GPRC5B: variants seen among roughly 807,000 people sequenced by gnomAD.
GPRC5B encodes the protein G protein-coupled receptor class C group 5 member B.
A neutral mutation model predicts 30.1 loss-of-function variants in GPRC5B; 16 were observed. The ratio of observed to expected loss-of-function variants is 0.53; its 90% confidence interval spans 0.36 to 0.81. The LOEUF is 0.81. Among genes scored for constraint, GPRC5B ranks in the 30% least tolerant of loss-of-function variants. The pLI, the probability that GPRC5B is intolerant of heterozygous loss-of-function variation, is 0.01. For missense variants in GPRC5B, 428 were observed against 544.7 expected, an observed-to-expected ratio of 0.79 and a Z score of 2.13; for synonymous variants, 241 against 239.5, an observed-to-expected ratio of 1.01 and a Z score of -0.06.
Position 19,861,819 on chromosome 16 carries a change from T to A in GPRC5B, c.1167+18A>T. 1 of 1,609,682 alleles carries A rather than the reference T, an allele frequency of 6.2e-7. No homozygotes were observed. The highest frequency in any genetic ancestry group is 8.5e-7 in the Non-Finnish European group (1 of 1,177,126). ...GACTCCTAGGCTTCCTACCCCCACA[T>A]CACATCTTGATACTTACGGTCCCAC... is the stretch of plus-strand genomic sequence containing the variant. On this transcript the variant is annotated intron_variant, in intron 3 of 3. Transcript: ENST00000300571.
At chr16:19,885,092 C>T (rs180838340), upstream of GPRC5B, 6 of 834,382 alleles carry the variant, frequency 7.2e-6, no homozygotes, top group East Asian at 4.4e-4. This position sits in a 1 kb window ranked among gnomAD's most constrained non-coding sequence, Gnocchi z 5.3. Flanking sequence ...GCCCCCAATT[C>T]GGGGACATTC....
At chr16:19,885,167 C>A, upstream of GPRC5B, 3 of 1,264,456 alleles carry the variant, frequency 2.4e-6, no homozygotes, top group Non-Finnish European at 3.1e-6. This position sits in a 1 kb window ranked among gnomAD's most constrained non-coding sequence, Gnocchi z 5.3. Context: ...AGGGTAGATC[C>A]ATTTGCGGGA....
chr16:19,879,788 G>A (rs2056789820), intron 1 of GPRC5B, among the ~76,000 whole-genome samples: 1 of 152,084 alleles, frequency 6.6e-6, no homozygotes, highest in Non-Finnish European at 1.5e-5. Context: ...AAATAATTAG[G>A]GTTTAGGACG....
chr16:19,873,008 C>T (rs946827497), intron 1 of GPRC5B, among the ~76,000 whole-genome samples, 162 bp from the exon 2 acceptor site: 4 of 152,136 alleles, frequency 2.6e-5, no homozygotes, highest in African/African-American at 9.7e-5. Context: ...TCCTCAGGCA[C>T]GGAGGTTTTG....
Position 19,858,511 on chromosome 16 carries a change from A to G in GPRC5B, c.*1989T>C. The G allele has an allele frequency of 1.4e-6, 1 of 694,176 alleles. No homozygotes were observed. Among genetic ancestry groups the G allele is most frequent in the Non-Finnish European group, 2.6e-6 (1 of 381,602 alleles). The allele number at this position is 694,176 out of a possible 1,614,324, so 43.0% of individuals were successfully genotyped here. A position where few individuals can be genotyped will look rare whatever the true frequency, so the allele number is the denominator to read the frequency against. On this transcript the variant is annotated 3_prime_UTR_variant, in exon 4 of 4. Transcript: ENST00000300571. ...GTGTGAATGGTATCAGAAAGCTCCA[A>G]AGGACTCCAGAGAGCGGGGGTGAGT...
At chr16:19,878,824 G>A (rs868693786) in intron 1 of GPRC5B, among the ~76,000 whole-genome samples, 1 of 152,182 alleles carries the variant, frequency 6.6e-6, no homozygotes, top group East Asian at 1.9e-4. Context: ...AGGAAACTGA[G>A]GGTCTGAGAG....
rs563226306 is a variant in GPRC5B at position 19,880,373 on chromosome 16, G to A, written c.-2+4354C>T. Reference sequence around the variant, plus strand: ...GGAAGGCTGAGGTGGGAGACTGCTTGAGGCCAGGAGTTCAAGACCAGCCTG... The same window carrying A: ...GGAAGGCTGAGGTGGGAGACTGCTTAAGGCCAGGAGTTCAAGACCAGCCTG... On this transcript the variant is annotated intron_variant, in intron 1 of 3. Coordinates refer to ENST00000300571, the MANE Select transcript of GPRC5B (RefSeq NM_016235.3). Among the ~76,000 whole-genome samples the A allele has an allele frequency of 1.1e-4, 17 of 148,832 alleles. No individual in the cohort carries two copies. The South Asian group carries it at 3.6e-3, about 31-fold the overall frequency.
intron 1 of GPRC5B, among the ~76,000 whole-genome samples, chr16:19,879,075 C>T (rs920159810): frequency 2.6e-5 from 4 of 152,132 alleles, no homozygotes; most frequent in South Asian, 4.1e-4. Context: ...GCAATGCCCA[C>T]GATCCACTGT....
In GPRC5B at chr16:19,872,175, C is replaced by T; in HGVS notation, c.671G>A (p.Gly224Asp). 1 of 1,614,124 alleles carries T rather than the reference C, an allele frequency of 6.2e-7. No homozygotes were observed. The highest frequency in any genetic ancestry group is 8.5e-7 in the Non-Finnish European group (1 of 1,179,976). The change falls in exon 2 of 4, where the codon GGC (glycine) becomes GAC (aspartate). Residue 224 changes from glycine to aspartate, a missense_variant. Gly to Asp is a moderately conservative substitution (Grantham distance 94). Coordinates refer to ENST00000300571, the MANE Select transcript of GPRC5B (RefSeq NM_016235.3). The surrounding 1 kb of genome is among the most constrained non-coding windows in gnomAD (Gnocchi z 5.0). ...TLGLALFTLC[G>D]KFKRWKLNGA... ...GTTCAGCTTCCACCTCTTGAACTTGCCGCACAGAGTGAAGAGGGCCAGCCC... is the reference window on the plus strand; with the variant it reads ...GTTCAGCTTCCACCTCTTGAACTTGTCGCACAGAGTGAAGAGGGCCAGCCC...
At chr16:19,882,699 C>T (rs2056816597) in intron 1 of GPRC5B, among the ~76,000 whole-genome samples, 1 of 152,142 alleles carries the variant, frequency 6.6e-6, no homozygotes, top group Non-Finnish European at 1.5e-5. Context: ...ATCCCATGGC[C>T]TCCCACTCAA....
chr16:19,873,153 C>G (rs775721706), intron 1 of GPRC5B, among the ~76,000 whole-genome samples: 1 of 152,114 alleles, frequency 6.6e-6, no homozygotes. Context: ...TACTCTGTGC[C>G]ACATCTGACC....
intron 2 of GPRC5B, among the ~76,000 whole-genome samples, chr16:19,863,491 C>CTT (rs10541805): frequency 4.6e-4 from 38 of 82,200 alleles, no homozygotes; most frequent in Non-Finnish European, 6.7e-4. Flanking sequence ...AATCTGTGTT[C>CTT]TTTTTTTTTT....
chr16:19,872,033 G>A lies in GPRC5B; in HGVS notation c.813C>T (p.Thr271=), dbSNP rs2056724396. The part of the protein sequence containing the change: ...LQQGDAWNDP[T]LAITLAASGW... ...CGCTGGCCGCCAGCGTGATGGCCAA[G>A]GTGGGGTCGTTCCAGGCATCCCCCT... Residue 271 remains threonine (T), a synonymous_variant, in exon 2 of 4, where the codon ACC becomes ACT. Coordinates refer to ENST00000300571, the MANE Select transcript of GPRC5B (RefSeq NM_016235.3). The surrounding 1 kb of genome is among the most constrained non-coding windows in gnomAD (Gnocchi z 5.0). 6.2e-7 allele frequency: 1 copy of A among 1,614,054 alleles called. No individual in the cohort carries two copies. The highest frequency in any genetic ancestry group is 8.5e-7 in the Non-Finnish European group (1 of 1,179,988).
In GPRC5B at chr16:19,881,680, G is replaced by C. The variant is rs182279177; in HGVS notation, c.-2+3047C>G. Among the ~76,000 whole-genome samples, 6 of 152,330 alleles carry C rather than the reference G, an allele frequency of 3.9e-5. No homozygotes were observed. The East Asian group carries it at 1.2e-3, about 29-fold the overall frequency. On this transcript the variant is annotated intron_variant, in intron 1 of 3. Transcript: ENST00000300571. ...ACCTGTAATCCCAGATACTTGGGAG[G>C]CTGAGGCAGGAGGATCTCTTGAAAC...
In GPRC5B at chr16:19,858,203, T is replaced by G. The variant is rs566957435; in HGVS notation, c.*2297A>C. On this transcript the variant is annotated 3_prime_UTR_variant, in exon 4 of 4. Coordinates refer to ENST00000300571, the MANE Select transcript of GPRC5B (RefSeq NM_016235.3). Reference sequence around the variant, plus strand: ...GTGTAGTCATTAGAAAAAGAACAGCTCTCTCCCTTCTCCTCTCACTCCCGC... The same window carrying G: ...GTGTAGTCATTAGAAAAAGAACAGCGCTCTCCCTTCTCCTCTCACTCCCGC... 6.3e-6 allele frequency: 2 copies of G among 316,392 alleles called. No homozygotes were observed. Among genetic ancestry groups the G allele is most frequent in the African/African-American group, 2.1e-5 (1 of 46,968 alleles). The allele number at this position is 316,392 out of a possible 1,614,324, so 19.6% of individuals were successfully genotyped here.
At chr16:19,860,740 A>G (rs1024985812) in intron 3 of GPRC5B, among the ~76,000 whole-genome samples, 196 bp from the exon 4 acceptor site, 6 of 152,166 alleles carry the variant, frequency 3.9e-5, no homozygotes, top group African/African-American at 1.4e-4. Flanking sequence ...TCCCTTTTCT[A>G]TAACCATCCA....
rs113915928 is a variant in GPRC5B, at chr16:19,856,808, G to A, written c.*3692C>T. ...AGATTACTTCTTCAGTGCCTCAGGA[G>A]TATTCTTCTACACCAGCTGCTGTTA... On this transcript the variant is annotated 3_prime_UTR_variant, in exon 4 of 4. Transcript: ENST00000300571. The A allele has an allele frequency of 3.4e-3, 1,494 of 435,118 alleles. 20 individuals carry two copies. Among genetic ancestry groups the A allele is most frequent in the African/African-American group, 0.027 (1,359 of 49,658 alleles). The allele number at this position is 435,118 out of a possible 1,614,324, so 27.0% of individuals were successfully genotyped here.
chr16:19,883,796 G>C (rs1806723468), intron 1 of GPRC5B, among the ~76,000 whole-genome samples: 1 of 152,256 alleles, frequency 6.6e-6, no homozygotes, highest in South Asian at 2.1e-4. Flanking sequence ...ACAGAGCAAG[G>C]ACGGAGGAGT....
At chr16:19,873,443 G>A (rs115822591) in intron 1 of GPRC5B, among the ~76,000 whole-genome samples, 3,382 of 140,970 alleles carry the variant, frequency 0.024, 122 homozygotes, top group African/African-American at 0.085. Context: ...CAGCTTGGGC[G>A]ACAGAGCTAG....
Sources: gnomAD v4.1 joint callset for allele counts (sites outside exome capture counted in the v4.1 genomes callset) on GRCh38, gnomAD v4.1.1 for gene constraint, Gnocchi (gnomAD v3.1) non-coding constraint, MANE v1.5 for transcripts, NCBI Gene and HGNC (gene_info 2026-07-23, HGNC 2026-07-21) for gene names.